The following GPM6A variants were observed in gnomAD, a reference collection of about 807,000 sequenced individuals.
GPM6A encodes neuronal membrane glycoprotein M6-a.
In GPM6A, 7 loss-of-function variants were observed where a neutral mutation model predicts 32.1. The ratio of observed to expected loss-of-function variants is 0.22; its 90% CI spans 0.12 to 0.41. The LOEUF (loss-of-function observed/expected upper bound fraction) is 0.41. Ranked by LOEUF, GPM6A falls within the 10% of genes least tolerant of loss-of-function variation. The probability of loss-of-function intolerance (pLI) is 1.00; values close to 1 mark genes in which losing one functional copy is unlikely to be tolerated. For synonymous variants in GPM6A, 130 were observed against 123.4 expected, an observed-to-expected ratio of 1.05 and a Z score of -0.35; for missense variants, 235 against 347.2, an observed-to-expected ratio of 0.68 and a Z score of 2.57.
rs59755440 is a variant in GPM6A, at chr4:175,838,814, C to T, written c.-22-26565G>A. Reference sequence around the variant, plus strand: ...GACTGCAGGCCCACAACACCACACCCGGCTAATTTTTTATATTTTCAGTAA... The same window carrying T: ...GACTGCAGGCCCACAACACCACACCTGGCTAATTTTTTATATTTTCAGTAA... On this transcript the variant is annotated intron_variant, in intron 1 of 7. Coordinates refer to the GPM6A transcript ENST00000280187. Among the ~76,000 whole-genome samples, 1,230 of 151,814 alleles carry T rather than the reference C, an allele frequency of 8.1e-3. 18 individuals carry two copies. The highest frequency in any genetic ancestry group is 0.027 in the African/African-American group (1,100 of 41,382).
intron 2 of GPM6A, among the ~76,000 whole-genome samples, chr4:175,688,408 T>C (rs996163263): frequency 1.3e-5 from 2 of 152,234 alleles, no homozygotes; most frequent in African/African-American, 2.4e-5. Context: ...TTTCATCATA[T>C]TGCATGTGGA....
At chr4:175,665,768 G>A (rs1191369387) in intron 3 of GPM6A, among the ~76,000 whole-genome samples, 3 of 148,746 alleles carry the variant, frequency 2.0e-5, no homozygotes, top group African/African-American at 7.4e-5. Flanking sequence ...GGCAACAAGA[G>A]CAAAACTCCA....
chr4:175,847,681 CTTTA>C (rs1736132851), intron 1 of GPM6A, among the ~76,000 whole-genome samples: 1 of 151,970 alleles, frequency 6.6e-6, no homozygotes, highest in South Asian at 2.1e-4. Context: ...GATGGAAGTT[CTTTA>C]TTTAATTAAA....
intron 1 of GPM6A, among the ~76,000 whole-genome samples, chr4:175,951,772 G>C (rs924159474): frequency 6.6e-6 from 1 of 152,166 alleles, no homozygotes; most frequent in Non-Finnish European, 1.5e-5. Context: ...TTAATGCGGA[G>C]CGTGTTTGTG....
In GPM6A at chr4:175,758,413, T is replaced by C. The variant is rs190734870; in HGVS notation, c.37+53778A>G. ...CAATAAGGAATAGCAAGTGATATGA[T>C]GAAAGTCGTAAGTTTAGCCAGATTC... On this transcript the variant is annotated intron_variant, in intron 1 of 6. Coordinates refer to ENST00000393658, the MANE Select transcript of GPM6A (RefSeq NM_201591.3). Among the ~76,000 whole-genome samples the C allele has an allele frequency of 5.9e-5, 9 of 152,286 alleles. No homozygotes were observed. In the East Asian group the frequency reaches 1.5e-3, roughly 26 times the overall value.
intron 1 of GPM6A, among the ~76,000 whole-genome samples, chr4:175,841,162 T>C (rs1473877788): frequency 6.6e-6 from 1 of 152,196 alleles, no homozygotes; most frequent in African/African-American, 2.4e-5. Context: ...CAAGGTTGCA[T>C]TTAGATAAGC....
intron 1 of GPM6A, among the ~76,000 whole-genome samples, chr4:175,776,727 C>T (rs1040558341): frequency 6.6e-6 from 1 of 152,170 alleles, no homozygotes; most frequent in South Asian, 2.1e-4. Context: ...CACACTTACA[C>T]ATTATTTATC....
At chr4:175,930,526 C>G (rs1214036588) in intron 1 of GPM6A, among the ~76,000 whole-genome samples, 1 of 151,558 alleles carries the variant, frequency 6.6e-6, no homozygotes, top group Non-Finnish European at 1.5e-5. Context: ...ATGCATTTCA[C>G]AAGCTAAATT....
chr4:175,701,026 A>C (rs1384001333), intron 2 of GPM6A, among the ~76,000 whole-genome samples: 3 of 152,208 alleles, frequency 2.0e-5, no homozygotes, highest in Non-Finnish European at 4.4e-5. Context: ...AGAAAAGTAT[A>C]ATTGGTGTTT....
chr4:175,828,784 C>T (rs1579546943), intron 1 of GPM6A, among the ~76,000 whole-genome samples: 1 of 152,028 alleles, frequency 6.6e-6, no homozygotes, highest in East Asian at 1.9e-4. Flanking sequence ...TAGAAATTCA[C>T]ATTTGCAAAG....
At chr4:175,830,672 T>C (rs1735581588) in intron 1 of GPM6A, among the ~76,000 whole-genome samples, 1 of 152,204 alleles carries the variant, frequency 6.6e-6, no homozygotes. Context: ...ATATCTTTCA[T>C]CCATTTTGAA....
chr4:175,796,183 A>C (rs1734219576), intron 1 of GPM6A, among the ~76,000 whole-genome samples: 2 of 152,204 alleles, frequency 1.3e-5, no homozygotes, highest in Non-Finnish European at 2.9e-5. Flanking sequence ...ACTTAGAAGA[A>C]TGGCTAGCAA....
intron 1 of GPM6A, among the ~76,000 whole-genome samples, chr4:175,717,596 T>A (rs956269417): frequency 1.3e-5 from 2 of 152,114 alleles, no homozygotes; most frequent in African/African-American, 4.8e-5. Flanking sequence ...TAATAAAAGA[T>A]AAACAGTCAT....
intron 1 of GPM6A, among the ~76,000 whole-genome samples, chr4:175,805,200 G>T (rs1405437963): frequency 2.6e-5 from 4 of 151,040 alleles, no homozygotes; most frequent in African/African-American, 9.7e-5. Context: ...TTCTTTATTT[G>T]AATTATTAAC....
intron 1 of GPM6A, among the ~76,000 whole-genome samples, chr4:175,951,660 C>G (rs1739817061): frequency 6.6e-6 from 1 of 152,162 alleles, no homozygotes; most frequent in Admixed American, 6.5e-5. Flanking sequence ...TGAATTGCAA[C>G]AATTTTCTGA....
chr4:175,770,326 G>A (rs574875003), intron 1 of GPM6A, among the ~76,000 whole-genome samples: 30 of 152,126 alleles, frequency 2.0e-4, no homozygotes, highest in Admixed American at 8.5e-4. Context: ...GCGCCTGGCC[G>A]ATGCCTAGAT....
chr4:175,677,098 C>G (rs1422308188), intron 2 of GPM6A, among the ~76,000 whole-genome samples: 1 of 152,024 alleles, frequency 6.6e-6, no homozygotes, highest in Non-Finnish European at 1.5e-5. Flanking sequence ...TTAATCGTTT[C>G]TAATTTGCTT....
At chr4:175,658,779 G>T (rs2110938929) in intron 3 of GPM6A, among the ~76,000 whole-genome samples, 1 of 152,228 alleles carries the variant, frequency 6.6e-6, no homozygotes, top group Non-Finnish European at 1.5e-5. Flanking sequence ...AATGATTTGA[G>T]GAATTTATTC....
At chr4:175,740,945 T>C (rs943391241) in intron 1 of GPM6A, among the ~76,000 whole-genome samples, 61 of 152,034 alleles carry the variant, frequency 4.0e-4, no homozygotes, top group African/African-American at 1.3e-3. Flanking sequence ...TTTATCCTAG[T>C]TCTGGTGTTC....
Sources: allele counts gnomAD v4.1 joint callset (sites outside exome capture counted in the v4.1 genomes callset), GRCh38; gene constraint gnomAD v4.1.1; transcripts MANE v1.5; gene names NCBI Gene and HGNC (gene_info 2026-07-23, HGNC 2026-07-21).